Variants in SLC24A2 observed in about 807,000 individuals in gnomAD.
SLC24A2 encodes solute carrier family 24 member 2.
A neutral mutation model predicts 62.0 loss-of-function variants in SLC24A2; 36 were observed. The ratio of observed to expected loss-of-function variants is 0.58; its 90% CI spans 0.44 to 0.77. The LOEUF (loss-of-function observed/expected upper bound fraction) is 0.77, where lower values mean the gene tolerates loss of function less well. SLC24A2 is among the 30% of genes least tolerant of loss of function. The pLI is 0.00. For synonymous variants in SLC24A2, 358 were observed against 294.0 expected, an observed-to-expected ratio of 1.22 and a Z score of -2.23; for missense variants, 846 against 817.9, an observed-to-expected ratio of 1.03 and a Z score of -0.42.
chr9:20,282,795 T>C, the SLC24A2 span, among the ~76,000 whole-genome samples: 2 of 152,218 alleles, frequency 1.3e-5, no homozygotes, highest in African/African-American at 2.4e-5. Context: ...TACTTTTTCA[T>C]CAGTTAATAC....
chr9:20,292,188 G>A, the SLC24A2 span, among the ~76,000 whole-genome samples: 1 of 152,182 alleles, frequency 6.6e-6, no homozygotes, highest in Non-Finnish European at 1.5e-5. Context: ...GAAACTGACT[G>A]CAGTACCTCT....
chr9:20,200,584 A>G, the SLC24A2 span, among the ~76,000 whole-genome samples: 1 of 152,370 alleles, frequency 6.6e-6, no homozygotes, highest in South Asian at 2.1e-4. Context: ...ATTGGGCTTA[A>G]AACACCCTAC....
intron 2 of SLC24A2, among the ~76,000 whole-genome samples, chr9:19,622,744 A>G (rs770344208): frequency 6.6e-6 from 1 of 152,342 alleles, no homozygotes; most frequent in Middle Eastern, 3.4e-3. Flanking sequence ...AAAGAAAAAA[A>G]TTCTGAAAGA....
intron 9 of SLC24A2, 57 bp downstream of exon 9, chr9:19,527,992 T>C: frequency 9.3e-7 from 1 of 1,073,222 alleles, no homozygotes; most frequent in Non-Finnish European, 1.4e-6. Flanking sequence ...GATTAAACAC[T>C]TGACAATCAG....
intron 2 of SLC24A2, among the ~76,000 whole-genome samples, chr9:19,655,639 C>A (rs566253920): frequency 1.4e-4 from 21 of 152,236 alleles, no homozygotes; most frequent in African/African-American, 4.1e-4. Flanking sequence ...TATCAGTGCA[C>A]TAATTGGTGA....
At chr9:19,881,179 A>C in the SLC24A2 span, among the ~76,000 whole-genome samples, 1 of 152,210 alleles carries the variant, frequency 6.6e-6, no homozygotes, top group Non-Finnish European at 1.5e-5. Context: ...CAGTGAGATC[A>C]CTTGAGTCTA....
intron 2 of SLC24A2, among the ~76,000 whole-genome samples, chr9:19,645,447 T>G (rs991951977): frequency 1.3e-5 from 2 of 152,130 alleles, no homozygotes; most frequent in African/African-American, 4.8e-5. Flanking sequence ...AAGAGAAAAA[T>G]AGGGACATAT....
the SLC24A2 span, among the ~76,000 whole-genome samples, chr9:20,132,037 A>G: frequency 1.3e-5 from 2 of 152,216 alleles, no homozygotes; most frequent in South Asian, 2.1e-4. Flanking sequence ...TAGTATCCAT[A>G]CTATTAATAC....
the SLC24A2 span, among the ~76,000 whole-genome samples, chr9:19,963,850 C>A: frequency 6.6e-6 from 1 of 152,036 alleles, no homozygotes; most frequent in African/African-American, 2.4e-5. Flanking sequence ...ACCATTTGAC[C>A]CAGCCATCCC....
chr9:20,072,469 A>T, the SLC24A2 span, among the ~76,000 whole-genome samples: 1 of 152,192 alleles, frequency 6.6e-6, no homozygotes, highest in Non-Finnish European at 1.5e-5. Context: ...GGGAGTTCTT[A>T]TCTAGGAACT....
chr9:19,664,385 G>T (rs372615061), intron 2 of SLC24A2, among the ~76,000 whole-genome samples: 1 of 152,194 alleles, frequency 6.6e-6, no homozygotes, highest in Non-Finnish European at 1.5e-5. Flanking sequence ...TTACAGCATG[G>T]TATCTGTGAG....
chr9:20,137,418 AG>A, the SLC24A2 span, among the ~76,000 whole-genome samples: 1 of 152,212 alleles, frequency 6.6e-6, no homozygotes, highest in Non-Finnish European at 1.5e-5. Flanking sequence ...GCTGGGTTTA[AG>A]CTCTGCTACT....
chr9:20,183,621 A>G, the SLC24A2 span, among the ~76,000 whole-genome samples: 1 of 152,254 alleles, frequency 6.6e-6, no homozygotes, highest in African/African-American at 2.4e-5. Flanking sequence ...GAACAGATTC[A>G]TGCAGGATAT....
chr9:19,591,218 C>G (rs1334266025), intron 5 of SLC24A2, among the ~76,000 whole-genome samples: 1 of 152,196 alleles, frequency 6.6e-6, no homozygotes, highest in African/African-American at 2.4e-5. Flanking sequence ...ATGCTCCATA[C>G]TCCTACACCC....
chr9:19,751,567 T>G (rs1411009230), intron 2 of SLC24A2, among the ~76,000 whole-genome samples: 26 of 152,102 alleles, frequency 1.7e-4, no homozygotes, highest in Admixed American at 1.7e-3. Context: ...CTAAGAAACT[T>G]CAGCCAATGC....
the SLC24A2 span, among the ~76,000 whole-genome samples, chr9:19,891,100 C>T: frequency 2.0e-5 from 3 of 152,176 alleles, no homozygotes; most frequent in African/African-American, 7.2e-5. Flanking sequence ...GTCCATTATT[C>T]TCTCCTTCCA....
the SLC24A2 span, among the ~76,000 whole-genome samples, chr9:20,063,114 C>T: frequency 1.6e-5 from 2 of 121,486 alleles, no homozygotes; most frequent in Non-Finnish European, 3.3e-5. Flanking sequence ...ACTAGAAATA[C>T]CATTTGACAC....
At chr9:20,226,178 A>T in the SLC24A2 span, among the ~76,000 whole-genome samples, 1 of 152,092 alleles carries the variant, frequency 6.6e-6, no homozygotes, top group Non-Finnish European at 1.5e-5. Context: ...GAAATTGAGG[A>T]AAAGATAGTC....
At chr9:19,878,508 G>A in the SLC24A2 span, among the ~76,000 whole-genome samples, 225 of 152,214 alleles carry the variant, frequency 1.5e-3, no homozygotes, top group African/African-American at 5.1e-3. Flanking sequence ...GTTTAGATTC[G>A]TGTCCCCACC....
Sources: gnomAD v4.1 joint callset for allele counts (sites outside exome capture counted in the v4.1 genomes callset) on GRCh38, gnomAD v4.1.1 for gene constraint, MANE v1.5 for transcripts, NCBI Gene and HGNC (gene_info 2026-07-23, HGNC 2026-07-21) for gene names.